MYO5C: variants seen among roughly 807,000 people sequenced by gnomAD.
MYO5C encodes the protein myosin VC, also known as unconventional myosin-Vc.
In MYO5C, 194 loss-of-function variants were observed where a neutral mutation model predicts 235.7. The observed-to-expected ratio is 0.82, with a 90% CI of 0.73 to 0.93. The LOEUF is 0.93. Ranked by LOEUF, MYO5C falls within the 40% of genes least tolerant of loss-of-function variation. The pLI is 0.00. For missense variants in MYO5C, 2,038 were observed against 2,127.2 expected (o/e 0.96, Z 0.82); for synonymous variants, 707 against 754.8 (o/e 0.94, Z 1.04).
intron 10 of MYO5C, chr15:52,256,971 T>A (rs548075743): frequency 4.1e-5 from 17 of 416,140 alleles, no homozygotes; most frequent in African/African-American, 2.8e-4. Flanking sequence ...AAAATAAGCA[T>A]GTCACCATAT....
At chr15:52,242,235 G>A (rs766091067) in intron 19 of MYO5C, 22 bp from the exon 20 acceptor site, 1 of 1,601,178 alleles carries the variant, frequency 6.2e-7, no homozygotes, top group South Asian at 1.1e-5. Flanking sequence ...AGGATGAAGA[G>A]TGAGTCTGTT....
chr15:52,285,806 T>C (rs2037252614), intron 1 of MYO5C, among the ~76,000 whole-genome samples: 1 of 152,160 alleles, frequency 6.6e-6, no homozygotes, highest in Non-Finnish European at 1.5e-5. Flanking sequence ...AGTGGCGTGA[T>C]CTCGGCTCGC....
At position 52,196,261 on chromosome 15, in the gene MYO5C, C is replaced by T. The variant is rs766204033; in HGVS notation, c.4995+48G>A. The T allele has an allele frequency of 3.3e-5, 50 of 1,534,394 alleles. No individual in the cohort carries two copies. The Middle Eastern group carries it at 1.9e-3, about 59-fold the overall frequency. On this transcript the variant is annotated intron_variant, in intron 39 of 40. Coordinates refer to ENST00000261839, the MANE Select transcript of MYO5C (RefSeq NM_018728.4). ...ACCAAGAAAGGCAATGCCCACTGCACTGATGTGTCAGGGAAGAGCCAGGGA... is the reference window on the plus strand; with the variant it reads ...ACCAAGAAAGGCAATGCCCACTGCATTGATGTGTCAGGGAAGAGCCAGGGA...
chr15:52,270,678 GTATGTATACACATGTATGTGTA>G (rs1393910784), intron 7 of MYO5C, among the ~76,000 whole-genome samples: 12 of 149,746 alleles, frequency 8.0e-5, no homozygotes, highest in Non-Finnish European at 1.0e-4. Flanking sequence ...ATATATGTAT[GTATGTATACACATGTATGTGTA>G]TATATATACA....
chr15:52,291,104 G>A (rs2037379220), intron 1 of MYO5C, among the ~76,000 whole-genome samples: 1 of 152,210 alleles, frequency 6.6e-6, no homozygotes, highest in African/African-American at 2.4e-5. Context: ...ACCAGGGGCA[G>A]AGCATGTACC....
chr15:52,271,005 C>T lies in MYO5C; in HGVS notation c.832+758G>A, dbSNP rs145249678. On this transcript the variant is annotated intron_variant, in intron 7 of 40. Transcript: ENST00000261839. ...CCTTTTGTACTGAAGGACAAACAGC[C>T]CTATGTTTTAGCCATCTCTGGAATA... 2.6e-5 allele frequency among the ~76,000 whole-genome samples: 4 copies of T among 152,242 alleles called. No individual in the cohort carries two copies. The East Asian group carries it at 7.7e-4, about 29-fold the overall frequency.
chr15:52,235,353 AG>A (rs1237956896), intron 23 of MYO5C, among the ~76,000 whole-genome samples: 2 of 152,194 alleles, frequency 1.3e-5, no homozygotes, highest in Non-Finnish European at 2.9e-5. Context: ...GCGCACACAC[AG>A]ACACACACAC....
chr15:52,262,543 C>T (rs566154628), intron 9 of MYO5C, among the ~76,000 whole-genome samples: 16 of 152,316 alleles, frequency 1.1e-4, no homozygotes, highest in African/African-American at 3.4e-4. Context: ...CCAGGCCTCT[C>T]GTCACCTCTC....
chr15:52,239,108 C>A (rs988030382), intron 21 of MYO5C, among the ~76,000 whole-genome samples: 1 of 152,182 alleles, frequency 6.6e-6, no homozygotes, highest in Non-Finnish European at 1.5e-5. Flanking sequence ...TGCATCACCA[C>A]GCCCGGCTAA....
chr15:52,289,362 C>G (rs1237479359), intron 1 of MYO5C, among the ~76,000 whole-genome samples: 2 of 152,084 alleles, frequency 1.3e-5, no homozygotes, highest in Admixed American at 1.3e-4. Context: ...CAATTGCCTC[C>G]AAGATGTCAG....
At chr15:52,210,494 T>C (rs2035421900) in intron 35 of MYO5C, among the ~76,000 whole-genome samples, 1 of 152,212 alleles carries the variant, frequency 6.6e-6, no homozygotes, top group Non-Finnish European at 1.5e-5. Flanking sequence ...ACGGGTACTT[T>C]TTAACATAAC....
At position 52,291,730 on chromosome 15, in the gene MYO5C, T is replaced by TGTTTTTTTTTTTG. The variant is rs1566997980; in HGVS notation, c.27+3879_27+3880insCAAAAAAAAAAAC. On this transcript the variant is annotated intron_variant, in intron 1 of 40. Transcript: ENST00000261839. ...CTTTTTTCTTTGTTTGCATATTTTA[T>TGTTTTTTTTTTTG]GTTTTTTTTTTTTTTTTTTTTTTTT... Among the ~76,000 whole-genome samples, 5 of 105,148 alleles carry TGTTTTTTTTTTTG rather than the reference T, an allele frequency of 4.8e-5. 1 individual carries two copies. The highest frequency in any genetic ancestry group is 1.8e-4 in the African/African-American group (5 of 28,488). 69.0% of individuals were successfully genotyped at this position (105,148 alleles called of 152,430 possible).
chr15:52,261,875 G>A (rs192680637), intron 9 of MYO5C, among the ~76,000 whole-genome samples: 104 of 152,274 alleles, frequency 6.8e-4, no homozygotes, highest in Non-Finnish European at 1.1e-3. Context: ...AGGCTCCCCT[G>A]CCGGCACCAT....
chr15:52,254,313 C>G lies in MYO5C; in HGVS notation c.1396-856G>C, dbSNP rs528684072. ...GGCAGTGAGACCAATGAGGACTCAGCCCGATGCTCTTGATGGCTGGGACTC... is the reference window on the plus strand; with the variant it reads ...GGCAGTGAGACCAATGAGGACTCAGGCCGATGCTCTTGATGGCTGGGACTC... On this transcript the variant is annotated intron_variant, in intron 11 of 40. Coordinates refer to ENST00000261839, the MANE Select transcript of MYO5C (RefSeq NM_018728.4). Among the ~76,000 whole-genome samples, 213 of 152,230 alleles carry G rather than the reference C, an allele frequency of 1.4e-3. 2 individuals are homozygous for G. The highest frequency in any genetic ancestry group is 1.9e-3 in the Non-Finnish European group (127 of 68,016).
rs914773913 is a variant in MYO5C, at chr15:52,269,830, A to G, written c.863T>C (p.Met288Thr). 5.0e-6 allele frequency: 8 copies of G among 1,613,226 alleles called. No homozygotes were observed. The highest frequency in any genetic ancestry group is 6.8e-6 in the Non-Finnish European group (8 of 1,179,578). ...ACCCTCAATGACAGTATTGCCTCCC[A>G]TTCTTGTATAATTAAATTCTTCGGC... is the stretch of plus-strand genomic sequence containing the variant. The part of the protein sequence containing the change: ...GSAEEFNYTR[M>T]GGNTVIEGVN... The change falls in exon 8 of 41, where the codon ATG becomes ACG. Residue 288 changes from methionine to threonine, a missense_variant. Transcript: ENST00000261839.
intron 30 of MYO5C, 107 bp downstream of exon 30, chr15:52,221,055 C>A: frequency 3.8e-6 from 3 of 798,560 alleles, no homozygotes; most frequent in Non-Finnish European, 6.1e-6. Flanking sequence ...TGCCCAGCCC[C>A]CTAGAGAACC....
chr15:52,235,869 T>A (rs1190169457), intron 22 of MYO5C, 106 bp from the exon 23 acceptor site: 1 of 695,162 alleles, frequency 1.4e-6, no homozygotes. Context: ...TTAGTTTATT[T>A]TTTCTCAGCT....
At chr15:52,271,325 T>G (rs1387737987) in intron 7 of MYO5C, among the ~76,000 whole-genome samples, 1 of 150,964 alleles carries the variant, frequency 6.6e-6, no homozygotes, top group Non-Finnish European at 1.5e-5. Flanking sequence ...ATCTCCCGGG[T>G]TCAAGCAATT....
At chr15:52,292,627 A>G in intron 1 of MYO5C, among the ~76,000 whole-genome samples, 1 of 152,270 alleles carries the variant, frequency 6.6e-6, no homozygotes, top group East Asian at 1.9e-4. Flanking sequence ...AAAAACGTTC[A>G]GTCATGCACA....
Sources: gnomAD v4.1 joint callset for allele counts (sites outside exome capture counted in the v4.1 genomes callset) on GRCh38, gnomAD v4.1.1 for gene constraint, MANE v1.5 for transcripts, NCBI Gene and HGNC (gene_info 2026-07-23, HGNC 2026-07-21) for gene names.